The following ACTN2 variants were observed in gnomAD, a reference collection of about 807,000 sequenced individuals.
ACTN2 encodes actinin alpha 2.
In ACTN2, 39 loss-of-function variants were observed where a neutral mutation model predicts 113.8. That is an observed-to-expected ratio of 0.34 (90% confidence interval 0.27 to 0.45). The LOEUF is 0.45. Among genes scored for constraint, ACTN2 ranks in the 20% least tolerant of loss-of-function variants. The pLI is 1.00. For missense variants in ACTN2, 992 were observed against 1,177.9 expected (o/e 0.84, Z 2.31); for synonymous variants, 429 against 444.1 (o/e 0.97, Z 0.43).
intron 1 of ACTN2, among the ~76,000 whole-genome samples, chr1:236,703,260 T>C (rs778124958): frequency 6.6e-5 from 10 of 152,058 alleles, no homozygotes; most frequent in Admixed American, 2.0e-4. Flanking sequence ...TATGGTTACT[T>C]ACCAGAAAGT....
chr1:236,722,871 A>G (rs937875739), intron 4 of ACTN2, among the ~76,000 whole-genome samples: 13 of 152,124 alleles, frequency 8.5e-5, no homozygotes, highest in African/African-American at 2.2e-4. Context: ...TTTCGGGAGT[A>G]GGTTTTCCAG....
At position 236,735,674 on chromosome 1, in the gene ACTN2, T is replaced by C; in HGVS notation, c.737T>C (p.Met246Thr). The C allele has an allele frequency of 1.2e-6, 2 of 1,614,256 alleles. No individual in the cohort carries two copies. The highest frequency in any genetic ancestry group is 1.7e-6 in the Non-Finnish European group (2 of 1,180,052). ...NTPKPDERAI[M>T]TYVSCFYHAF... is the part of the protein sequence containing the mutation. ...CCTAAACCCGATGAAAGAGCCATCA[T>C]GACGTACGTCTCTTGCTTCTACCAC... Residue 246 changes from methionine to threonine, a missense_variant, in exon 8 of 21, where the codon ATG becomes ACG. Physicochemically the swap from Met to Thr is moderately conservative, Grantham distance 81 (BLOSUM62 -1). This residue lies in a region of ACTN2 where 220 missense variants were observed against 337.5 expected (regional missense o/e 0.65). Transcript: ENST00000366578.
At chr1:236,739,223 G>T in intron 9 of ACTN2, 79 bp from the exon 10 acceptor site, 1 of 1,359,640 alleles carries the variant, frequency 7.4e-7, no homozygotes. Context: ...ACAAATTATT[G>T]GATGCCTCAT....
intron 1 of ACTN2, among the ~76,000 whole-genome samples, chr1:236,717,295 G>T (rs1658248616): frequency 6.6e-6 from 1 of 152,052 alleles, no homozygotes. Flanking sequence ...AAATTAGCTA[G>T]GTGTGGTCGT....
Position 236,720,086 on chromosome 1 carries a change from G to T in ACTN2, c.362-19G>T. Reference sequence around the variant, plus strand: ...GACTATGTTATCTTTACATTAATTTGTTGTTTTCTTACCTGCAGAAATTGT... The same window carrying T: ...GACTATGTTATCTTTACATTAATTTTTTGTTTTCTTACCTGCAGAAATTGT... On this transcript the variant is annotated intron_variant, in intron 3 of 20. Coordinates refer to ENST00000366578, the MANE Select transcript of ACTN2 (RefSeq NM_001103.4). 1 of 1,531,330 alleles carries T rather than the reference G, an allele frequency of 6.5e-7. No individual in the cohort carries two copies. The highest frequency in any genetic ancestry group is 9.1e-7 in the Non-Finnish European group (1 of 1,104,258). 94.9% of individuals were successfully genotyped at this position (1,531,330 alleles called of 1,614,324 possible).
intron 1 of ACTN2, among the ~76,000 whole-genome samples, chr1:236,695,724 A>G (rs1340598197): frequency 6.6e-6 from 1 of 152,144 alleles, no homozygotes; most frequent in Non-Finnish European, 1.5e-5. Context: ...GGAATTGGAA[A>G]ATGGAGACAA....
At chr1:236,702,024 A>G (rs932192795) in intron 1 of ACTN2, among the ~76,000 whole-genome samples, 1 of 152,224 alleles carries the variant, frequency 6.6e-6, no homozygotes, top group African/African-American at 2.4e-5. Flanking sequence ...CTGGATATTA[A>G]GGACTCTAAA....
intron 17 of ACTN2, 133 bp from the exon 18 acceptor site, chr1:236,757,353 C>A: frequency 8.6e-7 from 1 of 1,158,630 alleles, no homozygotes; most frequent in Non-Finnish European, 1.3e-6. Context: ...AATTTTTTTT[C>A]AAGTGTGGGG....
intron 10 of ACTN2, 144 bp from the exon 11 acceptor site, chr1:236,742,752 G>T: frequency 1.1e-6 from 1 of 950,692 alleles, no homozygotes; most frequent in Admixed American, 2.0e-5. Flanking sequence ...TGGTTATTGA[G>T]GTGGGGGGTA....
intron 1 of ACTN2, among the ~76,000 whole-genome samples, chr1:236,709,653 G>A (rs1489912575): frequency 6.6e-6 from 1 of 152,064 alleles, no homozygotes; most frequent in African/African-American, 2.4e-5. Flanking sequence ...GAAATGATAT[G>A]CAACTTCAAC....
intron 10 of ACTN2, among the ~76,000 whole-genome samples, chr1:236,741,086 C>A (rs959492994): frequency 2.0e-5 from 3 of 152,086 alleles, no homozygotes; most frequent in African/African-American, 4.8e-5. Context: ...GCTCTGTCAC[C>A]CAGATTGGAG....
chr1:236,728,617 GT>G (rs970528479), intron 6 of ACTN2, among the ~76,000 whole-genome samples: 3 of 134,334 alleles, frequency 2.2e-5, no homozygotes, highest in Non-Finnish European at 3.1e-5. Flanking sequence ...TGGGGCAGGC[GT>G]TTTTTTTTAG....
At chr1:236,760,378 G>A (rs1322976052) in intron 19 of ACTN2, among the ~76,000 whole-genome samples, 1 of 152,158 alleles carries the variant, frequency 6.6e-6, no homozygotes, top group Non-Finnish European at 1.5e-5. Context: ...TATAACTCAC[G>A]TACTACGGTT....
At position 236,743,138 on chromosome 1, in the gene ACTN2, C is replaced by T. The variant is rs78951895; in HGVS notation, c.1255+95C>T. ...TCCTTACTAACTCTGTGCCTAATGTCTGTGACACTAAAGGTAGGTGTCGTC... is the reference window on the plus strand; with the variant it reads ...TCCTTACTAACTCTGTGCCTAATGTTTGTGACACTAAAGGTAGGTGTCGTC... On this transcript the variant is annotated intron_variant, in intron 11 of 20. Coordinates refer to ENST00000366578, the MANE Select transcript of ACTN2 (RefSeq NM_001103.4). 21,388 of 1,448,218 alleles carry T rather than the reference C, an allele frequency of 0.015. 207 individuals are homozygous for T. The highest frequency in any genetic ancestry group is 0.018 in the Middle Eastern group (105 of 5,802). 89.7% of individuals were successfully genotyped at this position (1,448,218 alleles called of 1,614,324 possible). A position where few individuals can be genotyped will look rare whatever the true frequency, so the allele number is the denominator to read the frequency against.
At chr1:236,687,412 G>A (rs1265686493) in intron 1 of ACTN2, among the ~76,000 whole-genome samples, 4 of 152,170 alleles carry the variant, frequency 2.6e-5, no homozygotes, top group Non-Finnish European at 5.9e-5. Context: ...TCCCCATTTT[G>A]ATTGGCGTTC....
chr1:236,720,300 A>G, intron 4 of ACTN2, 109 bp downstream of exon 4: 1 of 891,340 alleles, frequency 1.1e-6, no homozygotes, highest in Non-Finnish European at 1.9e-6. Context: ...TGATTGAATG[A>G]GAGACATGTA....
At chr1:236,703,214 T>C (rs1342048559) in intron 1 of ACTN2, among the ~76,000 whole-genome samples, 2 of 152,138 alleles carry the variant, frequency 1.3e-5, no homozygotes, top group Non-Finnish European at 2.9e-5. Flanking sequence ...TAGCTCAGGA[T>C]CAATCAGATG....
intron 12 of ACTN2, among the ~76,000 whole-genome samples, chr1:236,745,334 T>G (rs967637376): frequency 1.3e-5 from 2 of 152,066 alleles, no homozygotes; most frequent in African/African-American, 4.8e-5. Flanking sequence ...CTCGGGAGGC[T>G]GAGGCAGGAG....
chr1:236,728,471 C>G (rs1241437522), intron 6 of ACTN2, among the ~76,000 whole-genome samples: 1 of 152,188 alleles, frequency 6.6e-6, no homozygotes, highest in Non-Finnish European at 1.5e-5. Context: ...GTCAAGTTCC[C>G]TTGACTTTTT....
Sources: gnomAD v4.1 joint callset for allele counts (sites outside exome capture counted in the v4.1 genomes callset) on GRCh38, gnomAD v4.1.1 for gene constraint, gnomAD v4.1.1 regional missense constraint, MANE v1.5 for transcripts, NCBI Gene and HGNC (gene_info 2026-07-23, HGNC 2026-07-21) for gene names.